NKAIN2: variants seen among roughly 807,000 people sequenced by gnomAD.
NKAIN2 encodes sodium/potassium-transporting ATPase subunit beta-1-interacting protein 2.
NKAIN2 carries 14 observed loss-of-function variants against 32.6 expected under a neutral mutation model. That is an observed-to-expected ratio of 0.43 (90% CI 0.28 to 0.67). NKAIN2 has a LOEUF of 0.67. Ranked by LOEUF, NKAIN2 falls within the 30% of genes least tolerant of loss-of-function variation. NKAIN2 has a pLI of 0.17. For synonymous variants in NKAIN2, 80 were observed against 87.2 expected, an observed-to-expected ratio of 0.92 and a Z score of 0.46; for missense variants, 198 against 258.3, an observed-to-expected ratio of 0.77 and a Z score of 1.60.
At chr6:123,830,415 C>A (rs1387178254) in intron 1 of NKAIN2, among the ~76,000 whole-genome samples, 1 of 152,248 alleles carries the variant, frequency 6.6e-6, no homozygotes, top group African/African-American at 2.4e-5. Flanking sequence ...TAACCCCTTC[C>A]CTGTCTCACT....
intron 1 of NKAIN2, among the ~76,000 whole-genome samples, chr6:124,086,927 G>GT (rs1784213436): frequency 1.3e-5 from 2 of 151,830 alleles, no homozygotes; most frequent in Admixed American, 6.6e-5. Context: ...CATTCTTTCA[G>GT]AACAGCATTA....
intron 1 of NKAIN2, among the ~76,000 whole-genome samples, chr6:124,171,455 T>C (rs1444019071): frequency 1.3e-5 from 2 of 152,080 alleles, no homozygotes; most frequent in South Asian, 2.1e-4. Flanking sequence ...TTTCCTCCTA[T>C]GATAGATTCT....
intron 3 of NKAIN2, among the ~76,000 whole-genome samples, chr6:124,372,944 G>A (rs1223256438): frequency 6.6e-6 from 1 of 152,116 alleles, no homozygotes; most frequent in Non-Finnish European, 1.5e-5. Context: ...ATTGTTCTAA[G>A]TGTAAGGAAA....
intron 1 of NKAIN2, among the ~76,000 whole-genome samples, chr6:124,144,586 A>T (rs1339040888): frequency 6.6e-6 from 1 of 152,186 alleles, no homozygotes; most frequent in Non-Finnish European, 1.5e-5. Context: ...ATTAAAAAAA[A>T]TAAAGAATCT....
chr6:123,997,218 A>C (rs549526671), intron 1 of NKAIN2, among the ~76,000 whole-genome samples: 1 of 152,334 alleles, frequency 6.6e-6, no homozygotes, highest in African/African-American at 2.4e-5. Context: ...AGCTTCATAG[A>C]TATCTTGCAT....
chr6:124,777,857 AC>A (rs1019036658), intron 4 of NKAIN2, among the ~76,000 whole-genome samples: 16 of 152,100 alleles, frequency 1.1e-4, no homozygotes, highest in African/African-American at 3.9e-4. Context: ...GAGGCTAATT[AC>A]AGAATTCAGC....
At chr6:124,118,305 A>T (rs73567612) in intron 1 of NKAIN2, among the ~76,000 whole-genome samples, 7,149 of 152,262 alleles carry the variant, frequency 0.047, 557 homozygotes, top group African/African-American at 0.16. Flanking sequence ...AATAAAAAGG[A>T]AACAACACTA....
chr6:123,804,295 T>C (rs765981227), intron 1 of NKAIN2, 41 bp downstream of exon 1: 8 of 1,536,450 alleles, frequency 5.2e-6, no homozygotes, highest in Non-Finnish European at 7.2e-6. Flanking sequence ...AATGTGTCTT[T>C]GAGATAGTGG....
chr6:124,175,616 T>G (rs1789116752), intron 1 of NKAIN2, among the ~76,000 whole-genome samples: 1 of 152,190 alleles, frequency 6.6e-6, no homozygotes, highest in African/African-American at 2.4e-5. Context: ...ACATCTATTG[T>G]TTTTATATCA....
intron 1 of NKAIN2, among the ~76,000 whole-genome samples, chr6:124,135,042 C>T (rs777172811): frequency 1.4e-4 from 22 of 152,078 alleles, no homozygotes; most frequent in Admixed American, 5.2e-4. Flanking sequence ...ATTTTGTATC[C>T]GGCAAAAGAG....
At chr6:124,142,920 G>A (rs1027628733) in intron 1 of NKAIN2, among the ~76,000 whole-genome samples, 6 of 152,006 alleles carry the variant, frequency 3.9e-5, no homozygotes, top group South Asian at 2.1e-4. Context: ...TGCAGCAACC[G>A]GTAAAAGGGA....
chr6:124,744,933 T>G (rs1014502114), intron 4 of NKAIN2, among the ~76,000 whole-genome samples: 1 of 151,878 alleles, frequency 6.6e-6, no homozygotes, highest in South Asian at 2.1e-4. Flanking sequence ...CTTGGCTACG[T>G]GCTAACTCCA....
chr6:124,268,165 A>C (rs978465290), intron 1 of NKAIN2, among the ~76,000 whole-genome samples: 47 of 152,232 alleles, frequency 3.1e-4, no homozygotes, highest in African/African-American at 1.1e-3. Context: ...TCTAGTGATG[A>C]GAGCCAACAC....
intron 4 of NKAIN2, among the ~76,000 whole-genome samples, chr6:124,781,089 CT>C (rs200039483): frequency 1.3e-5 from 2 of 152,110 alleles, no homozygotes; most frequent in Non-Finnish European, 2.9e-5. Flanking sequence ...TTAATTTTAA[CT>C]TTTTTTTAAG....
chr6:124,660,344 TCA>T lies in NKAIN2; in HGVS notation c.474+1961_474+1962del, dbSNP rs1458209280. ...GTGTGTATGTGTGCGTAAAATAGAT[TCA>T]CAGATTTATTAAATGCCACATAAAA... On this transcript the variant is annotated intron_variant, in intron 4 of 6. Coordinates refer to ENST00000368417, the MANE Select transcript of NKAIN2 (RefSeq NM_001040214.3). 7.9e-5 allele frequency among the ~76,000 whole-genome samples: 12 copies of T among 152,278 alleles called. No individual in the cohort carries two copies. The East Asian group carries it at 2.1e-3, about 27-fold the overall frequency.
intron 1 of NKAIN2, among the ~76,000 whole-genome samples, chr6:124,203,257 A>T (rs1401599512): frequency 1.3e-5 from 2 of 151,886 alleles, no homozygotes. Flanking sequence ...CCACTAGATT[A>T]TCAGTGATAT....
chr6:124,140,206 A>G (rs1787065740), intron 1 of NKAIN2, among the ~76,000 whole-genome samples: 2 of 152,224 alleles, frequency 1.3e-5, no homozygotes, highest in Admixed American at 1.3e-4. Context: ...TTTGCATAAT[A>G]TAAAATGTTG....
At chr6:124,279,363 C>T (rs557144565) in intron 1 of NKAIN2, among the ~76,000 whole-genome samples, 1 of 151,888 alleles carries the variant, frequency 6.6e-6, no homozygotes, top group Non-Finnish European at 1.5e-5. Context: ...AAAAATTAGC[C>T]AGGTGTGGTG....
At chr6:123,822,754 G>A (rs1359335660) in intron 1 of NKAIN2, among the ~76,000 whole-genome samples, 1 of 152,072 alleles carries the variant, frequency 6.6e-6, no homozygotes, top group Non-Finnish European at 1.5e-5. Context: ...CTCAAATCCT[G>A]TCTCCAAAAT....
Sources: gnomAD v4.1 joint callset for allele counts (sites outside exome capture counted in the v4.1 genomes callset) on GRCh38, gnomAD v4.1.1 for gene constraint, MANE v1.5 for transcripts, NCBI Gene and HGNC (gene_info 2026-07-23, HGNC 2026-07-21) for gene names.